The following DGKI variants were observed in gnomAD, a reference collection of about 807,000 sequenced individuals.
DGKI encodes the protein diacylglycerol kinase iota.
DGKI carries 55 observed loss-of-function variants against 147.5 expected under a neutral mutation model. The observed-to-expected ratio is 0.37, with a 90% CI of 0.30 to 0.47. The LOEUF is 0.47. Ranked by LOEUF, DGKI falls within the 20% of genes least tolerant of loss-of-function variation. DGKI has a pLI of 1.00. For missense variants in DGKI, 1,007 were observed against 1,323.8 expected, an observed-to-expected ratio of 0.76 and a Z score of 3.71; for synonymous variants, 469 against 477.1, an observed-to-expected ratio of 0.98 and a Z score of 0.22.
In DGKI at chr7:137,521,959, A is replaced by T; in HGVS notation, c.2155T>A (p.Ser719Thr). Residue 719 changes from serine to threonine, a missense_variant, in exon 21 of 33, where the codon TCT (serine) becomes ACT (threonine). Physicochemically the swap from Ser to Thr is moderately conservative, Grantham distance 58. Coordinates refer to ENST00000614521, the MANE Select transcript of DGKI (RefSeq NM_001321708.2). ...TSMPLLNDPQ[S>T]VPDRLRIRVN... ...CGGATCCTCAGACGATCTGGGACAG[A>T]CTGGGGACTGCAAAACAAGAACCGA... The T allele has an allele frequency of 1.9e-6, 3 of 1,610,234 alleles. No homozygotes were observed. Among genetic ancestry groups the T allele is most frequent in the Non-Finnish European group, 2.5e-6 (3 of 1,177,950 alleles).
chr7:137,587,244 G>T, intron 12 of DGKI, 34 bp from the exon 13 acceptor site: 1 of 1,516,802 alleles, frequency 6.6e-7, no homozygotes, highest in South Asian at 1.2e-5. Flanking sequence ...AGAGATATAA[G>T]AAAGATAAAT....
intron 1 of DGKI, among the ~76,000 whole-genome samples, chr7:137,816,128 T>C (rs1181587233): frequency 1.3e-5 from 2 of 152,164 alleles, no homozygotes; most frequent in Non-Finnish European, 2.9e-5. Flanking sequence ...ATATTTCCCG[T>C]CCATCTATGT....
At chr7:137,458,864 C>T (rs372284741) in intron 27 of DGKI, among the ~76,000 whole-genome samples, 3 of 152,080 alleles carry the variant, frequency 2.0e-5, no homozygotes, top group African/African-American at 4.8e-5. Context: ...TTAAATAGAA[C>T]TTCCTTGGAC....
Position 137,389,201 on chromosome 7 carries a change from A to G in DGKI, c.*2019T>C, listed in dbSNP as rs1811271955. 6.6e-6 allele frequency: 1 copy of G among 152,174 alleles called. No homozygotes were observed. The highest frequency in any genetic ancestry group is 1.5e-5 in the Non-Finnish European group (1 of 68,032). 9.4% of individuals were successfully genotyped at this position (152,174 alleles called of 1,614,324 possible). A position where few individuals can be genotyped will look rare whatever the true frequency, so the allele number is the denominator to read the frequency against. ...CCCAGTGATTAAATTCTCCTGGAGC[A>G]TATTTTTCCAGCTTCTGGAAACAAT... On this transcript the variant is annotated 3_prime_UTR_variant, in exon 33 of 33. Coordinates refer to ENST00000614521, the MANE Select transcript of DGKI (RefSeq NM_001321708.2).
At chr7:137,511,777 T>C (rs940472113) in intron 21 of DGKI, among the ~76,000 whole-genome samples, 1 of 152,184 alleles carries the variant, frequency 6.6e-6, no homozygotes, top group Non-Finnish European at 1.5e-5. Context: ...GAGGCACTCA[T>C]TTTCCCAGAG....
intron 1 of DGKI, among the ~76,000 whole-genome samples, chr7:137,712,239 T>C (rs2116571638): frequency 6.6e-6 from 1 of 152,330 alleles, no homozygotes; most frequent in Non-Finnish European, 1.5e-5. Flanking sequence ...TGGTACCCTT[T>C]GTTATTAAAA....
chr7:137,695,588 A>G (rs567919853), intron 1 of DGKI, among the ~76,000 whole-genome samples: 1 of 152,214 alleles, frequency 6.6e-6, no homozygotes, highest in African/African-American at 2.4e-5. Flanking sequence ...ATGTCTAACA[A>G]CACACAGGTA....
intron 1 of DGKI, among the ~76,000 whole-genome samples, chr7:137,757,569 C>T (rs773300828): frequency 2.0e-5 from 3 of 152,040 alleles, no homozygotes; most frequent in South Asian, 2.1e-4. Flanking sequence ...TCTCCTGACC[C>T]GCTGGAAGGG....
intron 1 of DGKI, among the ~76,000 whole-genome samples, chr7:137,825,649 C>T (rs879945691): frequency 3.6e-4 from 54 of 151,750 alleles, no homozygotes; most frequent in Non-Finnish European, 5.9e-4. Flanking sequence ...CACATTCACA[C>T]GCACTCACAC....
chr7:137,713,066 T>A (rs1237900023), intron 1 of DGKI, among the ~76,000 whole-genome samples: 3 of 152,208 alleles, frequency 2.0e-5, no homozygotes, highest in African/African-American at 7.2e-5. Flanking sequence ...TTATATTAGT[T>A]GATATGGGAC....
chr7:137,580,708 T>C (rs1039224329), intron 15 of DGKI, among the ~76,000 whole-genome samples: 1 of 152,160 alleles, frequency 6.6e-6, no homozygotes, highest in Non-Finnish European at 1.5e-5. Flanking sequence ...TTTTTAATCC[T>C]GTAGCATCAC....
chr7:137,808,107 G>C (rs1797438960), intron 1 of DGKI, among the ~76,000 whole-genome samples: 1 of 152,116 alleles, frequency 6.6e-6, no homozygotes, highest in Non-Finnish European at 1.5e-5. Flanking sequence ...GTTGATATTG[G>C]TGTGTTTTAA....
rs779135844 is a variant in DGKI at position 137,585,248 on chromosome 7, G to A, written c.1524C>T (p.Pro508=). The A allele has an allele frequency of 1.4e-5, 23 of 1,613,984 alleles. No individual in the cohort carries two copies. The highest frequency in any genetic ancestry group is 1.6e-4 in the Middle Eastern group (1 of 6,084). ...CTTCAAGTTCTTCTGGAGGCAAGTC[G>A]GGGTTTCTTTCCACATGGAGGTTCC... ...DRWNLHVERN[P]DLPPEELEDG... is the part of the protein sequence containing the mutation. The change falls in exon 14 of 33, where the codon CCC becomes CCT. Residue 508 remains proline, a synonymous_variant. Transcript: ENST00000614521.
intron 29 of DGKI, among the ~76,000 whole-genome samples, chr7:137,410,315 G>A (rs1294366648): frequency 6.6e-6 from 1 of 152,206 alleles, no homozygotes; most frequent in African/African-American, 2.4e-5. Flanking sequence ...TAAGGCAGGA[G>A]AATGGCGTGA....
At chr7:137,752,209 G>A (rs1795512860) in intron 1 of DGKI, among the ~76,000 whole-genome samples, 1 of 151,852 alleles carries the variant, frequency 6.6e-6, no homozygotes, top group Non-Finnish European at 1.5e-5. Flanking sequence ...AATAGTAACA[G>A]CACAAAAGTG....
chr7:137,395,045 G>C (rs779945976), intron 32 of DGKI, among the ~76,000 whole-genome samples: 5 of 152,052 alleles, frequency 3.3e-5, no homozygotes, highest in Non-Finnish European at 4.4e-5. Flanking sequence ...AATAATATTA[G>C]AAAACAAATG....
chr7:137,469,826 T>C (rs2293546), intron 23 of DGKI, among the ~76,000 whole-genome samples: 145,794 of 152,270 alleles, frequency 0.96, 70,010 homozygotes, highest in Non-Finnish European at 1. Flanking sequence ...AAAATTAGCA[T>C]GAGGTTTTTA....
At chr7:137,448,408 G>T (rs1813797973) in intron 27 of DGKI, among the ~76,000 whole-genome samples, 1 of 150,364 alleles carries the variant, frequency 6.7e-6, no homozygotes, top group Admixed American at 6.6e-5. Context: ...CAAAACACAG[G>T]CAAAGAACAC....
rs191735110 is a variant in DGKI at position 137,763,830 on chromosome 7, A to G, written c.402-73828T>C. Among the ~76,000 whole-genome samples, 293 of 152,366 alleles carry G rather than the reference A, an allele frequency of 1.9e-3. 1 individual carries two copies. The highest frequency in any genetic ancestry group is 6.3e-3 in the African/African-American group (263 of 41,582). ...CATGCCTGTCTGCTCCAAGTCTCCA[A>G]TAAGGTCTCAACCTCCACATAGAGC... On this transcript the variant is annotated intron_variant, in intron 1 of 32. Coordinates refer to ENST00000614521, the MANE Select transcript of DGKI (RefSeq NM_001321708.2).
Sources: allele counts gnomAD v4.1 joint callset (sites outside exome capture counted in the v4.1 genomes callset), GRCh38; gene constraint gnomAD v4.1.1; transcripts MANE v1.5; gene names NCBI Gene and HGNC (gene_info 2026-07-23, HGNC 2026-07-21).